Variants in EPG5 observed in about 807,000 individuals in gnomAD.
EPG5 encodes the protein ectopic P-granules 5 autophagy tethering factor.
In EPG5, 159 loss-of-function variants were observed where a neutral mutation model predicts 302.7. The ratio of observed to expected loss-of-function variants is 0.53; its 90% CI spans 0.46 to 0.60. The LOEUF is 0.60. Ranked by LOEUF, EPG5 falls within the 20% of genes least tolerant of loss-of-function variation. EPG5 has a pLI of 0.00. For synonymous variants in EPG5, 1,158 were observed against 1,136.8 expected, an observed-to-expected ratio of 1.02 and a Z score of -0.37; for missense variants, 2,896 against 3,092.4, an observed-to-expected ratio of 0.94 and a Z score of 1.51.
intron 32 of EPG5, 72 bp from the exon 33 acceptor site, chr18:45,879,286 TG>T: frequency 9.3e-7 from 1 of 1,079,976 alleles, no homozygotes; most frequent in Non-Finnish European, 1.4e-6. Flanking sequence ...TACACTGTGA[TG>T]GGGGTGTATA....
the EPG5 span, among the ~76,000 whole-genome samples, chr18:45,825,214 G>A: frequency 0.16 from 22,576 of 140,238 alleles, 2,121 homozygotes; most frequent in Non-Finnish European, 0.21. Context: ...GAGGGATAGA[G>A]GGAGGGAGAG....
intron 12 of EPG5, 124 bp from the exon 13 acceptor site, chr18:45,929,133 T>C: frequency 9.9e-7 from 1 of 1,008,340 alleles, no homozygotes; most frequent in Non-Finnish European, 1.4e-6. Context: ...TGACACTATG[T>C]TCCAAAAAAT....
the EPG5 span, chr18:45,839,001 G>A: frequency 5.6e-6 from 9 of 1,594,524 alleles, no homozygotes; most frequent in Non-Finnish European, 7.7e-6. Flanking sequence ...GCGCCAGCGG[G>A]GCCTCGACGG....
intron 1 of EPG5, among the ~76,000 whole-genome samples, chr18:45,956,776 G>A (rs541046068): frequency 2.6e-4 from 40 of 151,870 alleles, no homozygotes; most frequent in Non-Finnish European, 4.4e-4. Context: ...TAGAATGTAC[G>A]GTTATATAAG....
intron 11 of EPG5, among the ~76,000 whole-genome samples, chr18:45,934,274 G>A (rs887034565): frequency 1.3e-5 from 2 of 152,120 alleles, no homozygotes; most frequent in Non-Finnish European, 2.9e-5. Flanking sequence ...GGGTGATAGA[G>A]TGAGACCCTG....
At chr18:45,923,234 A>G in intron 15 of EPG5, 34 bp downstream of exon 15, 3 of 1,607,932 alleles carry the variant, frequency 1.9e-6, no homozygotes, top group Non-Finnish European at 2.5e-6. Context: ...GAAGATAAAG[A>G]TTCATGTTTC....
chr18:45,935,109 G>A (rs2081696319), intron 10 of EPG5, 143 bp from the exon 11 acceptor site: 1 of 852,116 alleles, frequency 1.2e-6, no homozygotes, highest in Non-Finnish European at 1.8e-6. Context: ...AACACCTCAA[G>A]GATGGCTAAG....
chr18:45,840,385 C>T, the EPG5 span: 19 of 902,370 alleles, frequency 2.1e-5, no homozygotes, highest in Non-Finnish European at 3.0e-5. Context: ...TTCCTTGCAG[C>T]CCACCAAGGC....
chr18:45,825,802 T>C, the EPG5 span: 2 of 1,614,094 alleles, frequency 1.2e-6, no homozygotes, highest in South Asian at 2.2e-5. Context: ...CTACTCTCTC[T>C]GGCCCATGCT....
At chr18:45,841,742 G>A in the EPG5 span, among the ~76,000 whole-genome samples, 29 of 152,322 alleles carry the variant, frequency 1.9e-4, no homozygotes, top group Non-Finnish European at 3.1e-4. Flanking sequence ...AGGGTCATGC[G>A]TAGCACAGTG....
the EPG5 span, among the ~76,000 whole-genome samples, chr18:45,826,468 G>A: frequency 6.6e-6 from 1 of 152,198 alleles, no homozygotes; most frequent in African/African-American, 2.4e-5. Context: ...CAGAATCAGA[G>A]TATCAGGCAG....
At chr18:45,924,126 A>C (rs980677347) in intron 14 of EPG5, among the ~76,000 whole-genome samples, 5 of 152,152 alleles carry the variant, frequency 3.3e-5, no homozygotes, top group Non-Finnish European at 5.9e-5. Context: ...TCAGCAACAC[A>C]GGTAAAATAT....
rs1599468378 is a variant in EPG5 at position 45,876,096 on chromosome 18, A to G, written c.6049+140T>C. 7.9e-6 allele frequency: 5 copies of G among 629,748 alleles called. No individual in the cohort carries two copies. In the East Asian group the frequency reaches 1.4e-4, roughly 17 times the overall value. 39.0% of individuals were successfully genotyped at this position (629,748 alleles called of 1,614,324 possible). ...AAAAAAAGTTACACACTTAACACTA[A>G]ATAATTGTATCAGCGACTTTTCTTC... is the stretch of plus-strand genomic sequence containing the variant. On this transcript the variant is annotated intron_variant, in intron 35 of 43. Transcript: ENST00000282041.
At chr18:45,922,736 T>A (rs2050186698) in intron 15 of EPG5, 136 bp from the exon 16 acceptor site, 3 of 1,066,720 alleles carry the variant, frequency 2.8e-6, no homozygotes, top group Non-Finnish European at 4.0e-6. Context: ...CCAATTAATG[T>A]TCACTGCACT....
chr18:45,958,878 TA>T (rs2051087522), intron 1 of EPG5, among the ~76,000 whole-genome samples: 1 of 152,160 alleles, frequency 6.6e-6, no homozygotes, highest in Admixed American at 6.5e-5. Flanking sequence ...AGTTGATCAA[TA>T]AACTGGTTCA....
At chr18:45,946,875 C>A in intron 6 of EPG5, 107 bp from the exon 7 acceptor site, 1 of 866,056 alleles carries the variant, frequency 1.2e-6, no homozygotes, top group Non-Finnish European at 1.9e-6. Context: ...CCCAATCTTC[C>A]AATGGTTTAA....
At position 45,879,177 on chromosome 18, in the gene EPG5, T is replaced by C; in HGVS notation, c.5705A>G (p.Tyr1902Cys). ...ETIQWLSDFF[Y>C]KLRLSKMDFK... ...GTCCATCTTGGATAACCGAAGCTTA[T>C]AAAAAAAGTCTGAAAGCCACTGTAT... is the stretch of plus-strand genomic sequence containing the variant. The change falls in exon 33 of 44, where the codon TAT (tyrosine) becomes TGT (cysteine). Residue 1902 changes from tyrosine to cysteine, a missense_variant. This residue lies in a region of EPG5 where 790 missense variants were observed against 798.0 expected (regional missense o/e 0.99). Coordinates refer to ENST00000282041, the MANE Select transcript of EPG5 (RefSeq NM_020964.3). 1 of 1,613,410 alleles carries C rather than the reference T, an allele frequency of 6.2e-7. No homozygotes were observed. Among genetic ancestry groups the C allele is most frequent in the Non-Finnish European group, 8.5e-7 (1 of 1,179,840 alleles).
chr18:45,859,937 T>G lies in EPG5; in HGVS notation c.7009+167A>C, dbSNP rs369366486. Among the ~76,000 whole-genome samples, 3,159 of 152,344 alleles carry G rather than the reference T, an allele frequency of 0.021. 54 individuals are homozygous for G. Among genetic ancestry groups the G allele is most frequent in the South Asian group, 0.042 (204 of 4,830 alleles). ...AGGTTCTCATGCTAACTGCAGATCT[T>G]TATGAAAAATACGTATATTCAGAAA... On this transcript the variant is annotated intron_variant, in intron 40 of 43. Transcript: ENST00000282041.
chr18:45,802,525 C>CA, the EPG5 span, among the ~76,000 whole-genome samples: 5 of 150,806 alleles, frequency 3.3e-5, no homozygotes, highest in Non-Finnish European at 5.9e-5. Context: ...ATTTCAAAAA[C>CA]AAAAAACAAA....
Sources: allele counts gnomAD v4.1 joint callset (sites outside exome capture counted in the v4.1 genomes callset), GRCh38; gene constraint gnomAD v4.1.1; regional missense constraint gnomAD v4.1.1; transcripts MANE v1.5; gene names NCBI Gene and HGNC (gene_info 2026-07-23, HGNC 2026-07-21).